Variants in TSPAN5 observed in about 807,000 individuals in gnomAD.
The protein encoded by TSPAN5 is tetraspanin 5, also known as tetraspanin-5.
Under a neutral mutation model 37.1 loss-of-function variants are expected in TSPAN5, and 10 were observed. The ratio of observed to expected loss-of-function variants is 0.27; its 90% CI spans 0.17 to 0.46. The LOEUF (loss-of-function observed/expected upper bound fraction) is 0.46. Among genes scored for constraint, TSPAN5 ranks in the 20% least tolerant of loss-of-function variants. TSPAN5 has a pLI of 1.00. For synonymous variants in TSPAN5, 110 were observed against 118.9 expected (o/e 0.93, Z 0.48); for missense variants, 195 against 326.6 (o/e 0.60, Z 3.11).
chr4:98,582,534 A>G (rs777912008), intron 1 of TSPAN5, among the ~76,000 whole-genome samples: 6 of 152,250 alleles, frequency 3.9e-5, no homozygotes, highest in Non-Finnish European at 5.9e-5. Context: ...CCACACGTTG[A>G]CTTGCCACAG....
chr4:98,507,808 G>T, intron 1 of TSPAN5, 80 bp from the exon 2 acceptor site: 1 of 1,031,732 alleles, frequency 9.7e-7, no homozygotes, highest in Non-Finnish European at 1.4e-6. Context: ...CAATTCTTTT[G>T]TCACTTTACC....
intron 1 of TSPAN5, among the ~76,000 whole-genome samples, chr4:98,546,020 T>A (rs1754462216): frequency 1.1e-5 from 1 of 91,122 alleles, no homozygotes; most frequent in African/African-American, 3.6e-5. Context: ...CTGTATTGTG[T>A]CTTAATAGAT....
intron 2 of TSPAN5, among the ~76,000 whole-genome samples, chr4:98,490,370 AT>A (rs1753059886): frequency 1.3e-5 from 2 of 152,226 alleles, no homozygotes; most frequent in Non-Finnish European, 2.9e-5. Context: ...TCTGGGTTTA[AT>A]TTGGAGGATA....
chr4:98,562,029 C>T (rs920385536), intron 1 of TSPAN5, among the ~76,000 whole-genome samples: 3 of 152,186 alleles, frequency 2.0e-5, no homozygotes, highest in Admixed American at 1.3e-4. Context: ...TCCATGATGG[C>T]AATGACTTTG....
chr4:98,577,616 A>G (rs1395847954), intron 1 of TSPAN5, among the ~76,000 whole-genome samples: 1 of 152,240 alleles, frequency 6.6e-6, no homozygotes, highest in Non-Finnish European at 1.5e-5. Context: ...AAGTGTCAGC[A>G]AGTAGAAAGC....
At chr4:98,521,597 G>C (rs1401591070) in intron 1 of TSPAN5, among the ~76,000 whole-genome samples, 1 of 152,132 alleles carries the variant, frequency 6.6e-6, no homozygotes, top group East Asian at 1.9e-4. Flanking sequence ...TGGCATGCAG[G>C]GTGAAATCTC....
chr4:98,631,267 C>A (rs781576114), intron 1 of TSPAN5, among the ~76,000 whole-genome samples: 1 of 152,140 alleles, frequency 6.6e-6, no homozygotes, highest in Non-Finnish European at 1.5e-5. Context: ...AGAGCACCCC[C>A]TACAGACAAC....
chr4:98,607,436 A>G (rs747961871), intron 1 of TSPAN5, among the ~76,000 whole-genome samples: 3 of 152,182 alleles, frequency 2.0e-5, no homozygotes, highest in African/African-American at 7.2e-5. Flanking sequence ...AGAATTTGCT[A>G]TCTTTAAGTA....
At chr4:98,589,209 T>C (rs895036584) in intron 1 of TSPAN5, among the ~76,000 whole-genome samples, 4 of 152,188 alleles carry the variant, frequency 2.6e-5, no homozygotes, top group Non-Finnish European at 5.9e-5. Context: ...TGCCAGACAG[T>C]TGTATTCTGC....
chr4:98,533,049 G>T (rs941644036), intron 1 of TSPAN5, among the ~76,000 whole-genome samples: 1 of 152,140 alleles, frequency 6.6e-6, no homozygotes, highest in Non-Finnish European at 1.5e-5. Context: ...TGACTTCATC[G>T]TGGTGGATAA....
chr4:98,534,167 C>A (rs1177107033), intron 1 of TSPAN5, among the ~76,000 whole-genome samples: 2 of 152,076 alleles, frequency 1.3e-5, no homozygotes, highest in Non-Finnish European at 2.9e-5. Flanking sequence ...CTATAAATTT[C>A]CCTCTGCACA....
At chr4:98,521,844 T>C (rs1002291874) in intron 1 of TSPAN5, among the ~76,000 whole-genome samples, 9 of 125,324 alleles carry the variant, frequency 7.2e-5, no homozygotes, top group Admixed American at 1.6e-4. Context: ...TTGTGGGTTC[T>C]GTTTTTTTTG....
chr4:98,639,071 C>T (rs934977845), intron 1 of TSPAN5, among the ~76,000 whole-genome samples: 8 of 152,186 alleles, frequency 5.3e-5, no homozygotes, highest in African/African-American at 1.4e-4. Context: ...AGGTAAAGAA[C>T]GTTCTTGGTA....
chr4:98,572,952 C>A (rs1755159643), intron 1 of TSPAN5, among the ~76,000 whole-genome samples: 1 of 152,190 alleles, frequency 6.6e-6, no homozygotes, highest in Non-Finnish European at 1.5e-5. Flanking sequence ...GCCTGTAGGT[C>A]ACCATCTGTC....
intron 1 of TSPAN5, among the ~76,000 whole-genome samples, chr4:98,565,665 A>G (rs1406702937): frequency 6.6e-6 from 1 of 152,206 alleles, no homozygotes; most frequent in Non-Finnish European, 1.5e-5. Context: ...TATACTTGTT[A>G]TGGGGACCAA....
At position 98,472,140 on chromosome 4, in the gene TSPAN5, G is replaced by A. The variant is rs771451695; in HGVS notation, c.*382C>T. On this transcript the variant is annotated 3_prime_UTR_variant, in exon 8 of 8. Transcript: ENST00000305798. ...AACAGAAAGAAGGTGGTCCGTCCAAGGTGTGGTGAAGAGCAAAGCTGCCTC... is the reference window on the plus strand; with the variant it reads ...AACAGAAAGAAGGTGGTCCGTCCAAAGTGTGGTGAAGAGCAAAGCTGCCTC... 9.6e-5 allele frequency: 16 copies of A among 166,710 alleles called. No individual in the cohort carries two copies. The highest frequency in any genetic ancestry group is 1.8e-4 in the Non-Finnish European group (14 of 77,778). The allele number at this position is 166,710 out of a possible 1,614,324, so 10.3% of individuals were successfully genotyped here.
chr4:98,623,283 T>C (rs1180042165), intron 1 of TSPAN5, among the ~76,000 whole-genome samples: 2 of 152,222 alleles, frequency 1.3e-5, no homozygotes, highest in African/African-American at 4.8e-5. Context: ...AACAAGTTTC[T>C]ATTGTTTCAT....
chr4:98,625,067 G>A (rs1405156115), intron 1 of TSPAN5, among the ~76,000 whole-genome samples: 2 of 152,210 alleles, frequency 1.3e-5, no homozygotes, highest in Non-Finnish European at 2.9e-5. Flanking sequence ...TAATAGGAAA[G>A]GGAGGAGGAG....
intron 1 of TSPAN5, among the ~76,000 whole-genome samples, chr4:98,590,127 G>A (rs1205047276): frequency 6.6e-6 from 1 of 152,008 alleles, no homozygotes; most frequent in Non-Finnish European, 1.5e-5. Context: ...ACTTCAAAAG[G>A]TACCTTTAAC....
Sources: gnomAD v4.1 joint callset for allele counts (sites outside exome capture counted in the v4.1 genomes callset) on GRCh38, gnomAD v4.1.1 for gene constraint, MANE v1.5 for transcripts, NCBI Gene and HGNC (gene_info 2026-07-23, HGNC 2026-07-21) for gene names.